The following USP5 variants were observed in gnomAD, a reference collection of about 807,000 sequenced individuals.
USP5 encodes the protein ubiquitin carboxyl-terminal hydrolase 5.
USP5 carries 24 observed loss-of-function variants against 102.5 expected under a neutral mutation model. The observed-to-expected ratio is 0.23, with a 90% CI of 0.17 to 0.33. The LOEUF (loss-of-function observed/expected upper bound fraction) is 0.33, where lower values mean the gene tolerates loss of function less well. Ranked by LOEUF, USP5 falls within the 10% of genes least tolerant of loss-of-function variation. The pLI, the probability that USP5 is intolerant of heterozygous loss-of-function variation, is 1.00. For missense variants in USP5, 753 were observed against 1,122.1 expected (o/e 0.67, Z 4.70); for synonymous variants, 460 against 434.8 (o/e 1.06, Z -0.72).
Position 6,861,615 on chromosome 12 carries a change from CAAGT to C in USP5, c.1673+3_1673+6del. The C allele has an allele frequency of 6.4e-7, 1 of 1,553,032 alleles. No individual in the cohort carries two copies. The highest frequency in any genetic ancestry group is 8.7e-7 in the Non-Finnish European group (1 of 1,145,188). Reference sequence around the variant, plus strand: ...CCCTGCAGGCCAAGTCAGTAGCTGTCAAGTAAGTCCTCTGGTCGGGGCCTGAGGC... The same window carrying C: ...CCCTGCAGGCCAAGTCAGTAGCTGTCAAGTCCTCTGGTCGGGGCCTGAGGC... On this transcript the variant is annotated splice_donor_variant and coding_sequence_variant, in exon 13 of 20. Coordinates refer to ENST00000229268, the MANE Select transcript of USP5 (RefSeq NM_001098536.2). LOFTEE classifies it high-confidence loss of function. This position sits in a 1 kb window ranked among gnomAD's most constrained non-coding sequence, Gnocchi z 4.9.
chr12:6,858,947 C>G lies in USP5; in HGVS notation c.1058+330C>G. 3.9e-6 allele frequency: 1 copy of G among 258,496 alleles called. No homozygotes were observed. The highest frequency in any genetic ancestry group is 7.7e-6 in the Non-Finnish European group (1 of 130,082). 16.0% of individuals were successfully genotyped at this position (258,496 alleles called of 1,614,324 possible). On this transcript the variant is annotated intron_variant, in intron 8 of 19. Transcript: ENST00000229268. The surrounding 1 kb of genome is among the most constrained non-coding windows in gnomAD (Gnocchi z 4.2). ...GAGCTGCACCACCAGCACCCCAACA[C>G]ACAAACCCCACTGATAGTGCAGAGT...
chr12:6,863,892 T>C lies in USP5; in HGVS notation c.2017T>C (p.Cys673Arg). The C allele has an allele frequency of 6.2e-7, 1 of 1,612,252 alleles. No homozygotes were observed. The highest frequency in any genetic ancestry group is 8.5e-7 in the Non-Finnish European group (1 of 1,178,880). ...GGAGATGGGATTCCCTATGGACGCCTGCCGCAAAGCTGTCTACTACACGGG... is the reference window on the plus strand; with the variant it reads ...GGAGATGGGATTCCCTATGGACGCCCGCCGCAAAGCTGTCTACTACACGGG... ...LVEMGFPMDA[C>R]RKAVYYTGNS... Residue 673 changes from cysteine to arginine, a missense_variant, in exon 16 of 20, where the codon TGC (cysteine) becomes CGC (arginine). This residue lies in a region of USP5 where 193 missense variants were observed against 230.2 expected (regional missense o/e 0.84). Transcript: ENST00000229268. This position sits in a 1 kb window ranked among gnomAD's most constrained non-coding sequence, Gnocchi z 4.7.
In USP5 at chr12:6,859,436, G is replaced by A. The variant is rs1446793107; in HGVS notation, c.1059-34G>A. The A allele has an allele frequency of 2.5e-6, 4 of 1,610,348 alleles. No individual in the cohort carries two copies. In the African/African-American group the frequency reaches 5.3e-5, roughly 22 times the overall value. On this transcript the variant is annotated intron_variant, in intron 8 of 19. Coordinates refer to ENST00000229268, the MANE Select transcript of USP5 (RefSeq NM_001098536.2). The stretch of plus-strand genomic sequence containing the variant: ...TCCCTTTTCCTCGGCGCTCAGGCCA[G>A]AGCCCCTCCAACTGTCCTTCCCTTG...
intron 1 of USP5, among the ~76,000 whole-genome samples, chr12:6,852,626 C>T (rs1943953360): frequency 1.3e-5 from 2 of 152,254 alleles, no homozygotes; most frequent in South Asian, 2.1e-4. Flanking sequence ...ACCTGGCAGT[C>T]GGCCTTGTCT....
chr12:6,865,147 CCT>C lies in USP5; in HGVS notation c.2399-11_2399-10del, dbSNP rs1555130529. The stretch of plus-strand genomic sequence containing the variant: ...CCTCTTCTGTTTCCTTCTCTGACCC[CCT>C]CTCTCCTTTCCTAGAGTATCAGCTC... On this transcript the variant is annotated splice_polypyrimidine_tract_variant and intron_variant, in intron 18 of 19. Transcript: ENST00000229268. 3 of 1,603,088 alleles carry C rather than the reference CCT, an allele frequency of 1.9e-6. No individual in the cohort carries two copies. Among genetic ancestry groups the C allele is most frequent in the African/African-American group, 2.7e-5 (2 of 74,850 alleles).
In USP5 at chr12:6,864,392, T is replaced by G. The variant is rs1339625398; in HGVS notation, c.2244+197T>G. Among the ~76,000 whole-genome samples the G allele has an allele frequency of 6.6e-6, 1 of 152,172 alleles. No homozygotes were observed. Among genetic ancestry groups the G allele is most frequent in the Admixed American group, 6.5e-5 (1 of 15,284 alleles). ...TTTTTGCCCCAGAACTTGTTAAAAA[T>G]GTAATGCTTCTGTTTGGCCGGGCGC... is the stretch of plus-strand genomic sequence containing the variant. On this transcript the variant is annotated intron_variant, in intron 17 of 19. Coordinates refer to ENST00000229268, the MANE Select transcript of USP5 (RefSeq NM_001098536.2). The surrounding 1 kb of genome is among the most constrained non-coding windows in gnomAD (Gnocchi z 4.8).
At position 6,860,743 on chromosome 12, in the gene USP5, T is replaced by C. The variant is rs1190370044; in HGVS notation, c.1345-210T>C. Among the ~76,000 whole-genome samples, 1 of 152,074 alleles carries C rather than the reference T, an allele frequency of 6.6e-6. No homozygotes were observed. Among genetic ancestry groups the C allele is most frequent in the Non-Finnish European group, 1.5e-5 (1 of 68,020 alleles). On this transcript the variant is annotated intron_variant, in intron 11 of 19. Coordinates refer to ENST00000229268, the MANE Select transcript of USP5 (RefSeq NM_001098536.2). This position sits in a 1 kb window ranked among gnomAD's most constrained non-coding sequence, Gnocchi z 5.5. ...AATACTTGCTGCTTATAAAGAAAAA[T>C]ACAAGCGTGTTCTAACACAGTCCCT...
chr12:6,856,478 A>C lies in USP5; in HGVS notation c.584+28A>C, dbSNP rs1555128340. The C allele has an allele frequency of 6.3e-7, 1 of 1,588,594 alleles. No homozygotes were observed. The highest frequency in any genetic ancestry group is 1.3e-5 in the African/African-American group (1 of 74,462). On this transcript the variant is annotated intron_variant, in intron 5 of 19. Coordinates refer to ENST00000229268, the MANE Select transcript of USP5 (RefSeq NM_001098536.2). This position sits in a 1 kb window ranked among gnomAD's most constrained non-coding sequence, Gnocchi z 5.6. ...GAGGCCTGGCCCCTCTGCCTCGGGC[A>C]CCACCCCCAGAGCAAGGACAAGGAG...
At position 6,858,405 on chromosome 12, in the gene USP5, A is replaced by G. The variant is rs1380304430; in HGVS notation, c.865-19A>G. ...GGGTTGAGTTTCTCACTCAGTCTGA[A>G]GTGCCCCTTCTCACACAGACAGACA... On this transcript the variant is annotated intron_variant, in intron 7 of 19. Transcript: ENST00000229268. The surrounding 1 kb of genome is among the most constrained non-coding windows in gnomAD (Gnocchi z 4.2). 1.9e-6 allele frequency: 3 copies of G among 1,591,020 alleles called. No individual in the cohort carries two copies. The highest frequency in any genetic ancestry group is 2.6e-6 in the Non-Finnish European group (3 of 1,160,474).
In USP5 at chr12:6,866,124, G is replaced by A. The variant is rs782035473; in HGVS notation, c.*47G>A. The A allele has an allele frequency of 1.2e-5, 18 of 1,549,246 alleles. No individual in the cohort carries two copies. The South Asian group carries it at 1.8e-4, about 15-fold the overall frequency. ...AATGAGGGCAGGGGAAGACCACCTGGCATGAGGGAGAGGGGCTGAGGGATG... is the reference window on the plus strand; with the variant it reads ...AATGAGGGCAGGGGAAGACCACCTGACATGAGGGAGAGGGGCTGAGGGATG... On this transcript the variant is annotated 3_prime_UTR_variant, in exon 20 of 20. Coordinates refer to ENST00000229268, the MANE Select transcript of USP5 (RefSeq NM_001098536.2). The surrounding 1 kb of genome is among the most constrained non-coding windows in gnomAD (Gnocchi z 4.7).
In USP5 at chr12:6,861,424, C is replaced by T. The variant is rs781785222; in HGVS notation, c.1499-19C>T. On this transcript the variant is annotated intron_variant, in intron 12 of 19. Transcript: ENST00000229268. This position sits in a 1 kb window ranked among gnomAD's most constrained non-coding sequence, Gnocchi z 4.9. Reference sequence around the variant, plus strand: ...AAGCAGCACCCTCCGAAGGATCCACCAACCCATTCTGTCACCAGAGGAGCT... The same window carrying T: ...AAGCAGCACCCTCCGAAGGATCCACTAACCCATTCTGTCACCAGAGGAGCT... 6.5e-7 allele frequency: 1 copy of T among 1,549,822 alleles called. No individual in the cohort carries two copies. Among genetic ancestry groups the T allele is most frequent in the Admixed American group, 1.9e-5 (1 of 53,110 alleles).
rs1565532805 is a variant in USP5 at position 6,861,694 on chromosome 12, G to C, written c.1673+77G>C. The C allele has an allele frequency of 7.3e-7, 1 of 1,367,634 alleles. No homozygotes were observed. The highest frequency in any genetic ancestry group is 1.5e-5 in the African/African-American group (1 of 67,998). 84.7% of individuals were successfully genotyped at this position (1,367,634 alleles called of 1,614,324 possible). A position where few individuals can be genotyped will look rare whatever the true frequency, so the allele number is the denominator to read the frequency against. On this transcript the variant is annotated intron_variant, in intron 13 of 19. Transcript: ENST00000229268. The surrounding 1 kb of genome is among the most constrained non-coding windows in gnomAD (Gnocchi z 4.9). ...CAGAGGATACTTCTGTCTCTTCCCT[G>C]TTCTTTCATCCCTTTGTGGTTGGAA... is the stretch of plus-strand genomic sequence containing the variant.
intron 18 of USP5, 69 bp from the exon 19 acceptor site, chr12:6,865,094 TG>T: frequency 1.4e-6 from 2 of 1,436,092 alleles, no homozygotes; most frequent in Non-Finnish European, 9.7e-7. Flanking sequence ...AGCTGTTGTC[TG>T]GATCTTTGGG....
rs1555129019 is a variant in USP5, at chr12:6,859,474, G to A, written c.1063G>A (p.Val355Met). The change falls in exon 9 of 20, where the codon GTG (valine) becomes ATG (methionine). Residue 355 changes from valine (V) to methionine (M), a missense_variant. Around this residue, in one of 3 missense-constraint regions of USP5, gnomAD observed 527 missense variants for 816.5 expected, o/e 0.65. Transcript: ENST00000229268. ...FSIPDFQRKY[V>M]DKLEKIFQNA... The stretch of plus-strand genomic sequence containing the variant: ...TGTCCTTCCCTTGACTTTTAGGTAT[G>A]TGGATAAGCTGGAGAAGATCTTCCA... 3 of 1,614,164 alleles carry A rather than the reference G, an allele frequency of 1.9e-6. No homozygotes were observed.
intron 8 of USP5, 80 bp from the exon 9 acceptor site, chr12:6,859,390 G>A: frequency 2.8e-6 from 4 of 1,425,970 alleles, no homozygotes; most frequent in Non-Finnish European, 4.0e-6. Flanking sequence ...CGTTCACAGA[G>A]TTAGTAAATG....
At chr12:6,857,505 C>G (rs1944152375) in intron 6 of USP5, 124 bp from the exon 7 acceptor site, 1 of 762,544 alleles carries the variant, frequency 1.3e-6, no homozygotes. Flanking sequence ...TCAAGGGAAC[C>G]AAGAGGGTGG....
Position 6,856,179 on chromosome 12 carries a change from T to C in USP5, c.438+29T>C. On this transcript the variant is annotated intron_variant, in intron 4 of 19. Coordinates refer to ENST00000229268, the MANE Select transcript of USP5 (RefSeq NM_001098536.2). This position sits in a 1 kb window ranked among gnomAD's most constrained non-coding sequence, Gnocchi z 5.6. ...TGACTGCCCCCTATGCTACCCAAGA[T>C]TCTAGAGCAAGATGGGCCAGGGTAG... 1.2e-6 allele frequency: 2 copies of C among 1,613,548 alleles called. No individual in the cohort carries two copies. Among genetic ancestry groups the C allele is most frequent in the Non-Finnish European group, 1.7e-6 (2 of 1,179,640 alleles).
intron 1 of USP5, among the ~76,000 whole-genome samples, chr12:6,854,531 G>A (rs1944050925): frequency 6.6e-6 from 1 of 151,564 alleles, no homozygotes; most frequent in Non-Finnish European, 1.5e-5. Flanking sequence ...AAGGTGGAAG[G>A]ATTGTTTGAG....
rs1944344561 is a variant in USP5, at chr12:6,863,769, G to C, written c.1955-61G>C. On this transcript the variant is annotated intron_variant, in intron 15 of 19. Coordinates refer to ENST00000229268, the MANE Select transcript of USP5 (RefSeq NM_001098536.2). The surrounding 1 kb of genome is among the most constrained non-coding windows in gnomAD (Gnocchi z 4.7). The stretch of plus-strand genomic sequence containing the variant: ...TGGAAGAGGGCTGGGTCCTGGGGGA[G>C]GGAGGAGGAGCAAACAGTGGCCCAA... 4 of 1,510,542 alleles carry C rather than the reference G, an allele frequency of 2.6e-6. No homozygotes were observed. The highest frequency in any genetic ancestry group is 1.8e-6 in the Non-Finnish European group (2 of 1,127,546). 93.6% of individuals were successfully genotyped at this position (1,510,542 alleles called of 1,614,324 possible).
Sources: gnomAD v4.1 joint callset for allele counts (sites outside exome capture counted in the v4.1 genomes callset) on GRCh38, gnomAD v4.1.1 for gene constraint, gnomAD v4.1.1 regional missense constraint, Gnocchi (gnomAD v3.1) non-coding constraint, MANE v1.5 for transcripts, NCBI Gene and HGNC (gene_info 2026-07-23, HGNC 2026-07-21) for gene names.